The following IL19 variants were observed in gnomAD, a reference collection of about 807,000 sequenced individuals.
IL19 encodes interleukin-19.
IL19 carries 15 observed loss-of-function variants against 19.5 expected under a neutral mutation model. That is an observed-to-expected ratio of 0.77 (90% CI 0.52 to 1.19). The LOEUF (loss-of-function observed/expected upper bound fraction) is 1.19, where lower values mean the gene tolerates loss of function less well. IL19 is among the 50% of genes most tolerant of loss of function. The probability of loss-of-function intolerance (pLI) is 0.00; values close to 1 mark genes in which losing one functional copy is unlikely to be tolerated. For missense variants in IL19, 199 were observed against 213.1 expected (o/e 0.93, Z 0.41); for synonymous variants, 78 against 78.3 (o/e 1.00, Z 0.02).
chr1:206,838,888 G>A (rs1473690602), intron 4 of IL19, among the ~76,000 whole-genome samples: 1 of 152,002 alleles, frequency 6.6e-6, no homozygotes, highest in African/African-American at 2.4e-5. Context: ...TAGTGCAGAG[G>A]GGTGTAACAT....
At chr1:206,840,446 CA>C in intron 5 of IL19, 1 of 276,568 alleles carries the variant, frequency 3.6e-6, no homozygotes, top group Non-Finnish European at 7.0e-6. Context: ...AAAACCAACA[CA>C]AACCAACAAA....
At chr1:206,832,166 A>G (rs1349552662) in intron 2 of IL19, among the ~76,000 whole-genome samples, 1 of 152,256 alleles carries the variant, frequency 6.6e-6, no homozygotes, top group Non-Finnish European at 1.5e-5. Flanking sequence ...CACCCTCTCC[A>G]AAGGAGCAGA....
chr1:206,838,414 C>G (rs765204320), intron 4 of IL19, among the ~76,000 whole-genome samples: 4 of 152,148 alleles, frequency 2.6e-5, no homozygotes, highest in Non-Finnish European at 5.9e-5. Flanking sequence ...ACACACACAC[C>G]TCTTCATAAT....
chr1:206,807,595 T>C (rs897683381), intron 2 of IL19, among the ~76,000 whole-genome samples: 14 of 152,242 alleles, frequency 9.2e-5, no homozygotes, highest in Admixed American at 5.9e-4. Context: ...TCTCAAAATC[T>C]GAAAATAAGT....
At chr1:206,813,338 T>C (rs1676066365) in intron 2 of IL19, among the ~76,000 whole-genome samples, 1 of 152,208 alleles carries the variant, frequency 6.6e-6, no homozygotes, top group East Asian at 1.9e-4. Context: ...TTCCTGTGAG[T>C]GTTACCCCAG....
intron 1 of IL19, among the ~76,000 whole-genome samples, chr1:206,775,921 T>G (rs1489600993): frequency 6.6e-6 from 1 of 152,252 alleles, no homozygotes; most frequent in Non-Finnish European, 1.5e-5. Context: ...ACTCTCACAC[T>G]GTGAGCTTCT....
chr1:206,800,940 C>A (rs1462452301), intron 2 of IL19, among the ~76,000 whole-genome samples: 1 of 152,130 alleles, frequency 6.6e-6, no homozygotes, highest in Non-Finnish European at 1.5e-5. Flanking sequence ...GAAACATATT[C>A]CAGAAGGCCT....
intron 1 of IL19, among the ~76,000 whole-genome samples, chr1:206,778,208 C>T (rs2102445960): frequency 6.6e-6 from 1 of 152,324 alleles, no homozygotes; most frequent in East Asian, 1.9e-4. Context: ...GATCTTTGGG[C>T]AGCCAATGTG....
chr1:206,833,096 CAA>C (rs1002046693), intron 2 of IL19, among the ~76,000 whole-genome samples: 1 of 152,176 alleles, frequency 6.6e-6, no homozygotes, highest in African/African-American at 2.4e-5. Flanking sequence ...TTGGGGATGT[CAA>C]AAGACAAAAT....
At position 206,824,176 on chromosome 1, in the gene IL19, G is replaced by A. The variant is rs190609989; in HGVS notation, c.-2-12485G>A. On this transcript the variant is annotated intron_variant, in intron 2 of 6. Coordinates refer to ENST00000659997, the MANE Select transcript of IL19 (RefSeq NM_153758.5). ...CCCTAGCTGTTGCCCCAGGGGGAAG[G>A]CAGGGAGGAGGCTCGGACGGAGTTA... is the stretch of plus-strand genomic sequence containing the variant. 7.9e-5 allele frequency among the ~76,000 whole-genome samples: 12 copies of A among 152,316 alleles called. No individual in the cohort carries two copies. The East Asian group carries it at 2.3e-3, about 29-fold the overall frequency.
chr1:206,784,092 A>G (rs1475811053), intron 1 of IL19, among the ~76,000 whole-genome samples: 2 of 152,188 alleles, frequency 1.3e-5, no homozygotes, highest in Non-Finnish European at 2.9e-5. Flanking sequence ...GGAGACAGAG[A>G]AGTCAGTCTC....
At chr1:206,794,148 T>C (rs1675467514) in intron 1 of IL19, among the ~76,000 whole-genome samples, 1 of 152,196 alleles carries the variant, frequency 6.6e-6, no homozygotes, top group Admixed American at 6.6e-5. Flanking sequence ...ATTCCCCAGT[T>C]TGGTCATTGG....
intron 1 of IL19, among the ~76,000 whole-genome samples, chr1:206,777,230 C>CA (rs750939092): frequency 0.15 from 902 of 6,166 alleles, 372 homozygotes; most frequent in East Asian, 0.52. Context: ...GACTCCGTCT[C>CA]AAAAAAAAAA....
At chr1:206,834,452 C>T (rs1676717363) in intron 2 of IL19, 3 of 985,456 alleles carry the variant, frequency 3.0e-6, no homozygotes, top group Non-Finnish European at 3.6e-6. Context: ...GCCATCCTAG[C>T]CCTCCTCCTT....
chr1:206,841,677 T>C (rs1050361805), intron 6 of IL19, among the ~76,000 whole-genome samples: 2 of 152,022 alleles, frequency 1.3e-5, no homozygotes, highest in African/African-American at 4.8e-5. Flanking sequence ...AGAGCAAGAG[T>C]TAGGGAGTCT....
At chr1:206,791,320 T>A (rs1372655498) in intron 1 of IL19, among the ~76,000 whole-genome samples, 7 of 128,914 alleles carry the variant, frequency 5.4e-5, no homozygotes, top group East Asian at 4.6e-4. Context: ...TTTTTTTTTT[T>A]AGATGGAGTT....
rs989199735 is a variant in IL19, at chr1:206,798,959, C to T, written c.-50C>T. 1.9e-6 allele frequency: 3 copies of T among 1,613,964 alleles called. No individual in the cohort carries two copies. The highest frequency in any genetic ancestry group is 2.5e-6 in the Non-Finnish European group (3 of 1,179,992). On this transcript the variant is annotated 5_prime_UTR_variant, in exon 2 of 7. Transcript: ENST00000659997. ...TCCTTACCACTCACACATGTGCACA[C>T]ACATATCCATGTGTGTGTGCCAGTG...
At chr1:206,829,587 G>A (rs1454267472) in intron 2 of IL19, among the ~76,000 whole-genome samples, 1 of 152,146 alleles carries the variant, frequency 6.6e-6, no homozygotes, top group East Asian at 1.9e-4. Context: ...GGATGCTGTG[G>A]GGAGCAGATT....
At chr1:206,837,959 G>A (rs1676857824) in intron 4 of IL19, among the ~76,000 whole-genome samples, 1 of 152,214 alleles carries the variant, frequency 6.6e-6, no homozygotes, top group African/African-American at 2.4e-5. Flanking sequence ...AGCTCCCAGT[G>A]CTCAGAGGGG....
Sources: allele counts gnomAD v4.1 joint callset (sites outside exome capture counted in the v4.1 genomes callset), GRCh38; gene constraint gnomAD v4.1.1; transcripts MANE v1.5; gene names NCBI Gene and HGNC (gene_info 2026-07-23, HGNC 2026-07-21).